LYPLAL1: variants seen among roughly 807,000 people sequenced by gnomAD.
LYPLAL1 encodes the protein lysophospholipase-like protein 1.
Under a neutral mutation model 19.7 loss-of-function variants are expected in LYPLAL1, and 23 were observed. The observed-to-expected ratio is 1.17, with a 90% CI of 0.84 to 1.65. The LOEUF (loss-of-function observed/expected upper bound fraction) is 1.65. Among genes scored for constraint, LYPLAL1 ranks in the 40% most tolerant of loss-of-function variants. LYPLAL1 has a pLI of 0.00. For synonymous variants in LYPLAL1, 119 were observed against 96.3 expected (o/e 1.24, Z -1.38); for missense variants, 355 against 279.4 (o/e 1.27, Z -1.93).
At chr1:219,339,016 G>C in the LYPLAL1 span, among the ~76,000 whole-genome samples, 1 of 151,788 alleles carries the variant, frequency 6.6e-6, no homozygotes, top group Non-Finnish European at 1.5e-5. Flanking sequence ...GGTCAGTAAG[G>C]CTGCCTCACC....
At chr1:219,313,302 TG>T in the LYPLAL1 span, among the ~76,000 whole-genome samples, 1 of 152,178 alleles carries the variant, frequency 6.6e-6, no homozygotes. Flanking sequence ...AGGATTATAT[TG>T]GGTTTGTCTT....
chr1:219,210,738 A>G, intron 4 of LYPLAL1, 91 bp downstream of exon 4: 1 of 1,205,062 alleles, frequency 8.3e-7, no homozygotes, highest in Non-Finnish European at 1.1e-6. Flanking sequence ...TGTAAAACAC[A>G]CACACAGTTG....
chr1:219,316,357 G>A, the LYPLAL1 span, among the ~76,000 whole-genome samples: 1 of 152,044 alleles, frequency 6.6e-6, no homozygotes, highest in Admixed American at 6.6e-5. Context: ...CTAATATTTT[G>A]TTAAAGATTT....
rs1372900057 is a variant in LYPLAL1 at position 219,210,627 on chromosome 1, AAAG to A, written c.458_460del (p.Lys153_Ala154delinsThr). ...ATTTGCTCTTTCTAGTTTTCTGAAT[AAAG>A]CATCTGCTGTTTACCAGGTAAGTTC... On this transcript the variant is annotated inframe_deletion, in exon 4 of 5. Transcript: ENST00000366928. 6.2e-7 allele frequency: 1 copy of A among 1,609,390 alleles called. No individual in the cohort carries two copies. The highest frequency in any genetic ancestry group is 8.5e-7 in the Non-Finnish European group (1 of 1,177,432).
chr1:219,443,662 C>T, the LYPLAL1 span, among the ~76,000 whole-genome samples: 1 of 138,000 alleles, frequency 7.2e-6, no homozygotes, highest in South Asian at 2.4e-4. Flanking sequence ...GTTGCTACAG[C>T]ATATTTTGGT....
the LYPLAL1 span, among the ~76,000 whole-genome samples, chr1:219,402,405 G>C: frequency 3.7e-4 from 57 of 152,088 alleles, no homozygotes; most frequent in African/African-American, 1.4e-3. Flanking sequence ...TGCCATATTT[G>C]AAACTAGAAG....
chr1:219,250,252 G>A, the LYPLAL1 span, among the ~76,000 whole-genome samples: 1 of 151,792 alleles, frequency 6.6e-6, no homozygotes, highest in Non-Finnish European at 1.5e-5. Flanking sequence ...AACTTACATA[G>A]AACCATTTAC....
chr1:219,414,996 A>T, the LYPLAL1 span, among the ~76,000 whole-genome samples: 1 of 152,244 alleles, frequency 6.6e-6, no homozygotes, highest in East Asian at 1.9e-4. Flanking sequence ...ACAGCAAGGC[A>T]CATTATTACA....
At chr1:219,261,817 A>G in the LYPLAL1 span, among the ~76,000 whole-genome samples, 1 of 152,120 alleles carries the variant, frequency 6.6e-6, no homozygotes, top group South Asian at 2.1e-4. Context: ...CCTGATGATT[A>G]TGTGCCTAGG....
intron 1 of LYPLAL1, 104 bp downstream of exon 1, chr1:219,174,085 G>A: frequency 6.5e-7 from 1 of 1,531,076 alleles, no homozygotes. Context: ...CCCAAATAGG[G>A]CCCAGTGGGT....
chr1:219,338,389 C>A, the LYPLAL1 span, among the ~76,000 whole-genome samples: 1 of 151,990 alleles, frequency 6.6e-6, no homozygotes, highest in African/African-American at 2.4e-5. Flanking sequence ...ATGAAGCCAG[C>A]TATATGCATG....
the LYPLAL1 span, among the ~76,000 whole-genome samples, chr1:219,296,616 C>A: frequency 1.3e-5 from 2 of 152,168 alleles, no homozygotes; most frequent in Non-Finnish European, 2.9e-5. Context: ...GCTAACAAAA[C>A]ACCCTTCTTT....
chr1:219,328,026 A>T, the LYPLAL1 span, among the ~76,000 whole-genome samples: 1 of 152,112 alleles, frequency 6.6e-6, no homozygotes, highest in African/African-American at 2.4e-5. Context: ...AGACGAGAAT[A>T]TTTATCCTAT....
At chr1:219,371,099 C>A in the LYPLAL1 span, among the ~76,000 whole-genome samples, 2 of 152,116 alleles carry the variant, frequency 1.3e-5, no homozygotes, top group Non-Finnish European at 2.9e-5. Flanking sequence ...TGCTTACAAC[C>A]AAAACACCTA....
the LYPLAL1 span, among the ~76,000 whole-genome samples, chr1:219,274,488 C>T: frequency 1.3e-5 from 2 of 152,198 alleles, no homozygotes; most frequent in East Asian, 1.9e-4. Context: ...CATATTCAAG[C>T]GATTCTCCTG....
intron 2 of LYPLAL1, among the ~76,000 whole-genome samples, chr1:219,183,468 ATAGT>A (rs1211317134): frequency 6.6e-6 from 1 of 152,070 alleles, no homozygotes; most frequent in Non-Finnish European, 1.5e-5. Context: ...TTGTATGTGC[ATAGT>A]TAATTTTGAT....
At chr1:219,174,134 C>G in intron 1 of LYPLAL1, 153 bp downstream of exon 1, 1 of 1,454,010 alleles carries the variant, frequency 6.9e-7, no homozygotes. Flanking sequence ...GATGCACGGG[C>G]AGCGCCACCT....
chr1:219,336,327 A>G, the LYPLAL1 span, among the ~76,000 whole-genome samples: 7 of 151,978 alleles, frequency 4.6e-5, no homozygotes, highest in Admixed American at 1.3e-4. Context: ...CTTACTTGTC[A>G]TGATATATTG....
chr1:219,296,842 T>C, the LYPLAL1 span, among the ~76,000 whole-genome samples: 2 of 152,130 alleles, frequency 1.3e-5, no homozygotes, highest in African/African-American at 2.4e-5. Context: ...AGATAGTTTA[T>C]AACTATTTTT....
Sources: allele counts gnomAD v4.1 joint callset (sites outside exome capture counted in the v4.1 genomes callset), GRCh38; gene constraint gnomAD v4.1.1; transcripts MANE v1.5; gene names NCBI Gene and HGNC (gene_info 2026-07-23, HGNC 2026-07-21).